LRRK1: variants seen among roughly 807,000 people sequenced by gnomAD.
The protein encoded by LRRK1 is leucine-rich repeat serine/threonine-protein kinase 1.
LRRK1 carries 113 observed loss-of-function variants against 209.1 expected under a neutral mutation model. That is an observed-to-expected ratio of 0.54 (90% CI 0.46 to 0.63). The LOEUF (loss-of-function observed/expected upper bound fraction) is 0.63. LRRK1 is among the 30% of genes least tolerant of loss of function. The probability of loss-of-function intolerance (pLI) is 0.00; values close to 1 mark genes in which losing one functional copy is unlikely to be tolerated. For synonymous variants in LRRK1, 1,144 were observed against 1,099.7 expected (o/e 1.04, Z -0.80); for missense variants, 2,284 against 2,632.2 (o/e 0.87, Z 2.89).
At chr15:101,056,051 T>C (rs891990686) in intron 27 of LRRK1, among the ~76,000 whole-genome samples, 1 of 152,198 alleles carries the variant, frequency 6.6e-6, no homozygotes, top group South Asian at 2.1e-4. Context: ...AGTAGCTGAC[T>C]TCAACAAGGA....
At chr15:101,053,621 G>A (rs1249326798) in intron 26 of LRRK1, among the ~76,000 whole-genome samples, 1 of 152,176 alleles carries the variant, frequency 6.6e-6, no homozygotes, top group African/African-American at 2.4e-5. Context: ...GCGAGGACGG[G>A]GGAGCGCACA....
chr15:100,950,971 C>G (rs902799663), intron 2 of LRRK1, among the ~76,000 whole-genome samples: 3 of 152,120 alleles, frequency 2.0e-5, no homozygotes, highest in Non-Finnish European at 2.9e-5. Context: ...GGCGTGGTGG[C>G]GGGCGCCTGT....
At chr15:100,959,021 T>TA (rs1211227159) in intron 2 of LRRK1, among the ~76,000 whole-genome samples, 1 of 152,178 alleles carries the variant, frequency 6.6e-6, no homozygotes, top group Non-Finnish European at 1.5e-5. Context: ...ATATGAACCC[T>TA]ACCACTGTTG....
At chr15:101,057,592 T>C (rs1271359315) in intron 28 of LRRK1, among the ~76,000 whole-genome samples, 1 of 152,216 alleles carries the variant, frequency 6.6e-6, no homozygotes, top group Non-Finnish European at 1.5e-5. Flanking sequence ...CATGGACTTA[T>C]AGTCCCAGCC....
intron 17 of LRRK1, among the ~76,000 whole-genome samples, chr15:101,026,805 G>A (rs989868639): frequency 9.2e-5 from 14 of 152,196 alleles, no homozygotes; most frequent in East Asian, 1.9e-4. Flanking sequence ...GGGGCAGAGC[G>A]CCACGGGTAT....
Position 101,010,564 on chromosome 15 carries a change from C to T in LRRK1, c.1104C>T (p.Phe368=), listed in dbSNP as rs375815703. 120 of 1,611,528 alleles carry T rather than the reference C, an allele frequency of 7.4e-5. 2 individuals carry two copies. The East Asian group carries it at 7.8e-4, about 10-fold the overall frequency. ...CAAAAAATTGTTTAGAAAAATTGTTCGAAGAAGAAAATGGTATGTTTTCTC... is the reference window on the plus strand; with the variant it reads ...CAAAAAATTGTTTAGAAAAATTGTTTGAAGAAGAAAATGGTATGTTTTCTC... ...TASKNCLEKL[F]EEENATNWIG... Residue 368 remains phenylalanine (F), a synonymous_variant, in exon 8 of 34, where the codon TTC becomes TTT. Transcript: ENST00000388948.
chr15:100,938,360 A>G, intron 2 of LRRK1, among the ~76,000 whole-genome samples: 1 of 152,190 alleles, frequency 6.6e-6, no homozygotes, highest in East Asian at 1.9e-4. Flanking sequence ...GGATACATGT[A>G]TACAATGTGT....
intron 2 of LRRK1, among the ~76,000 whole-genome samples, chr15:100,968,374 A>G (rs1348756601): frequency 6.6e-6 from 1 of 152,228 alleles, no homozygotes; most frequent in Non-Finnish European, 1.5e-5. Context: ...TATGGGTCAC[A>G]GGGTAGGTAT....
intron 21 of LRRK1, among the ~76,000 whole-genome samples, chr15:101,046,801 C>A (rs768054196): frequency 1.3e-5 from 2 of 152,230 alleles, no homozygotes; most frequent in African/African-American, 2.4e-5. Flanking sequence ...GGAGACCCCC[C>A]GCCCAAGGAG....
At chr15:100,953,261 C>A (rs2042691078) in intron 2 of LRRK1, among the ~76,000 whole-genome samples, 1 of 152,126 alleles carries the variant, frequency 6.6e-6, no homozygotes, top group African/African-American at 2.4e-5. Context: ...AAAGTTTGTA[C>A]CCTTCAACCA....
chr15:100,992,038 T>C (rs1011182205), intron 6 of LRRK1, among the ~76,000 whole-genome samples: 3 of 152,226 alleles, frequency 2.0e-5, no homozygotes, highest in Non-Finnish European at 4.4e-5. Flanking sequence ...TTATAAATGC[T>C]CATTGTCTTT....
rs145412332 is a variant in LRRK1 at position 101,053,083 on chromosome 15, C to T, written c.3851C>T (p.Pro1284Leu). 7 of 1,606,282 alleles carry T rather than the reference C, an allele frequency of 4.4e-6. No homozygotes were observed. Among genetic ancestry groups the T allele is most frequent in the East Asian group, 4.5e-5 (2 of 44,654 alleles). Reference protein sequence around the residue: ...IKKFKNFANVPADTMLRHLRA... With the variant: ...IKKFKNFANVLADTMLRHLRA... ...AAATTCAAGAACTTTGCTAACGTAC[C>T]GGCAGGTAAGCGGGTCCCAGGTTGG... Residue 1284 changes from proline to leucine, a missense_variant, in exon 25 of 34, where the codon CCG (proline) becomes CTG (leucine). By Grantham distance (98) the Pro-to-Leu change is moderately conservative. This residue lies in a region of LRRK1 where 780 missense variants were observed against 985.2 expected (regional missense o/e 0.79). Transcript: ENST00000388948.
intron 3 of LRRK1, among the ~76,000 whole-genome samples, chr15:100,979,446 A>G (rs2031479451): frequency 6.6e-6 from 1 of 152,194 alleles, no homozygotes; most frequent in Non-Finnish European, 1.5e-5. Context: ...AGCCAATGCA[A>G]GAAGGCAAGG....
intron 1 of LRRK1, 64 bp from the exon 2 acceptor site, chr15:100,924,447 T>C: frequency 8.5e-6 from 5 of 586,070 alleles, no homozygotes; most frequent in South Asian, 2.1e-5. Context: ...CCCATGCAAA[T>C]ATTTGCAGGG....
intron 10 of LRRK1, 75 bp from the exon 11 acceptor site, chr15:101,014,241 C>T: frequency 9.4e-7 from 1 of 1,061,654 alleles, no homozygotes; most frequent in South Asian, 1.4e-5. Context: ...TGGGAACTGA[C>T]TGGCTCTTCA....
At position 101,024,719 on chromosome 15, in the gene LRRK1, CA is replaced by C; in HGVS notation, c.2068-83del. 6.9e-7 allele frequency: 1 copy of C among 1,440,502 alleles called. No homozygotes were observed. The allele number at this position is 1,440,502 out of a possible 1,614,324, so 89.2% of individuals were successfully genotyped here. Reference sequence around the variant, plus strand: ...TTTTCAGACCCCCGAGTCCAGCCTCCAGAGTTATCCGTTGTCTCCGTTTGAT... The same window carrying C: ...TTTTCAGACCCCCGAGTCCAGCCTCCGAGTTATCCGTTGTCTCCGTTTGAT... On this transcript the variant is annotated intron_variant, in intron 15 of 33. Transcript: ENST00000388948. The surrounding 1 kb of genome is among the most constrained non-coding windows in gnomAD (Gnocchi z 4.6).
chr15:101,058,869 C>G (rs151114655), intron 29 of LRRK1, among the ~76,000 whole-genome samples: 1 of 151,536 alleles, frequency 6.6e-6, no homozygotes, highest in Non-Finnish European at 1.5e-5. Context: ...ACGTGCTTGC[C>G]GTGGGGTGGG....
intron 6 of LRRK1, among the ~76,000 whole-genome samples, chr15:101,007,258 A>G (rs1404252347): frequency 1.3e-5 from 2 of 152,214 alleles, no homozygotes; most frequent in Non-Finnish European, 2.9e-5. Flanking sequence ...CCATTTGCGA[A>G]GCACTAATTT....
At chr15:101,048,124 A>G (rs367968064) in intron 21 of LRRK1, among the ~76,000 whole-genome samples, 1 of 151,540 alleles carries the variant, frequency 6.6e-6, no homozygotes, top group African/African-American at 2.4e-5. Flanking sequence ...CTGGAATAAT[A>G]TATACCAAAA....
Sources: gnomAD v4.1 joint callset for allele counts (sites outside exome capture counted in the v4.1 genomes callset) on GRCh38, gnomAD v4.1.1 for gene constraint, gnomAD v4.1.1 regional missense constraint, Gnocchi (gnomAD v3.1) non-coding constraint, MANE v1.5 for transcripts, NCBI Gene and HGNC (gene_info 2026-07-23, HGNC 2026-07-21) for gene names.